Variants in IGF2BP2 observed in about 807,000 individuals in gnomAD.
The protein encoded by IGF2BP2 is insulin like growth factor 2 mRNA binding protein 2, also known as insulin-like growth factor 2 mRNA-binding protein 2.
Under a neutral mutation model 75.8 loss-of-function variants are expected in IGF2BP2, and 17 were observed. The observed-to-expected ratio is 0.22, with a 90% CI of 0.15 to 0.34. The LOEUF (loss-of-function observed/expected upper bound fraction) is 0.34. IGF2BP2 is among the 10% of genes least tolerant of loss of function. The probability of loss-of-function intolerance (pLI) is 1.00; values close to 1 mark genes in which losing one functional copy is unlikely to be tolerated. For missense variants in IGF2BP2, 516 were observed against 772.4 expected (o/e 0.67, Z 3.93); for synonymous variants, 288 against 295.6 (o/e 0.97, Z 0.26).
At chr3:185,735,772 T>C (rs543383779) in intron 2 of IGF2BP2, among the ~76,000 whole-genome samples, 2 of 152,302 alleles carry the variant, frequency 1.3e-5, no homozygotes, top group South Asian at 2.1e-4. Context: ...TCTAAAAATA[T>C]ACCTTTTCAT....
chr3:185,767,044 C>A (rs910244806), intron 2 of IGF2BP2, among the ~76,000 whole-genome samples: 1 of 152,184 alleles, frequency 6.6e-6, no homozygotes, highest in Non-Finnish European at 1.5e-5. Flanking sequence ...AACTGCCCAG[C>A]CCCACTTCCT....
rs1017306360 is a variant in IGF2BP2, at chr3:185,647,587, C to T, written c.1594-449G>A. 1.3e-5 allele frequency among the ~76,000 whole-genome samples: 2 copies of T among 152,080 alleles called. No individual in the cohort carries two copies. Among genetic ancestry groups the T allele is most frequent in the African/African-American group, 2.4e-5 (1 of 41,402 alleles). ...TTCCCTGCGAATCAGCCCTGCTGTTCCCTCCTCCTCGTTTTCACTCCTGCC... is the reference window on the plus strand; with the variant it reads ...TTCCCTGCGAATCAGCCCTGCTGTTTCCTCCTCCTCGTTTTCACTCCTGCC... On this transcript the variant is annotated intron_variant, in intron 14 of 15. Coordinates refer to ENST00000382199, the MANE Select transcript of IGF2BP2 (RefSeq NM_006548.6). This position sits in a 1 kb window ranked among gnomAD's most constrained non-coding sequence, Gnocchi z 4.9.
At chr3:185,746,459 C>T (rs1274197067) in intron 2 of IGF2BP2, among the ~76,000 whole-genome samples, 1 of 152,150 alleles carries the variant, frequency 6.6e-6, no homozygotes, top group South Asian at 2.1e-4. Context: ...ATCTACTTAA[C>T]GATTATTTTC....
chr3:185,720,245 A>G (rs2149462815), intron 2 of IGF2BP2, among the ~76,000 whole-genome samples: 1 of 152,366 alleles, frequency 6.6e-6, no homozygotes. Context: ...TAAATATTTA[A>G]AAAACGGCTC....
chr3:185,817,304 G>A (rs1740739800), intron 2 of IGF2BP2, among the ~76,000 whole-genome samples: 1 of 152,160 alleles, frequency 6.6e-6, no homozygotes, highest in African/African-American at 2.4e-5. Context: ...TGATGGAACA[G>A]GGCTAGCTTT....
intron 10 of IGF2BP2, among the ~76,000 whole-genome samples, chr3:185,665,030 T>G (rs1225303887): frequency 6.6e-6 from 1 of 151,532 alleles, no homozygotes; most frequent in African/African-American, 2.4e-5. Flanking sequence ...ACAGGCGTGT[T>G]GGTGTGCACC....
At chr3:185,757,537 T>C (rs972553707) in intron 2 of IGF2BP2, among the ~76,000 whole-genome samples, 2 of 146,566 alleles carry the variant, frequency 1.4e-5, no homozygotes, top group Non-Finnish European at 1.5e-5. Context: ...CGATCATGGC[T>C]CACTGCAGCC....
At chr3:185,660,730 C>A (rs1047195297) in intron 10 of IGF2BP2, among the ~76,000 whole-genome samples, 2 of 152,198 alleles carry the variant, frequency 1.3e-5, no homozygotes, top group African/African-American at 4.8e-5. Flanking sequence ...AACATCAGCT[C>A]CAGAGCTTTC....
intron 11 of IGF2BP2, among the ~76,000 whole-genome samples, 177 bp from the exon 12 acceptor site, chr3:185,657,579 G>A (rs1715662041): frequency 6.6e-6 from 1 of 152,240 alleles, no homozygotes; most frequent in Non-Finnish European, 1.5e-5. Context: ...CAGGTGTGAA[G>A]CCTGAGGAAG....
chr3:185,823,445 C>T (rs982801529), intron 1 of IGF2BP2, among the ~76,000 whole-genome samples: 2 of 152,178 alleles, frequency 1.3e-5, no homozygotes, highest in African/African-American at 4.8e-5. Context: ...CCAGGTATAG[C>T]CGTGGGTGGC....
At chr3:185,796,259 T>A (rs949487862) in intron 2 of IGF2BP2, among the ~76,000 whole-genome samples, 1 of 152,040 alleles carries the variant, frequency 6.6e-6, no homozygotes, top group Admixed American at 6.6e-5. Flanking sequence ...AGTGTATTCT[T>A]GAAATAAGAG....
chr3:185,755,385 G>A (rs778667839), intron 2 of IGF2BP2, among the ~76,000 whole-genome samples: 22 of 152,218 alleles, frequency 1.4e-4, no homozygotes, highest in African/African-American at 3.1e-4. Context: ...CACCCCCTGC[G>A]TAGATTTCAG....
chr3:185,825,030 C>G lies in IGF2BP2; in HGVS notation c.-70G>C, dbSNP rs1039173046. The G allele has an allele frequency of 7.9e-6, 10 of 1,259,640 alleles. No individual in the cohort carries two copies. The highest frequency in any genetic ancestry group is 1.5e-5 in the African/African-American group (1 of 64,634). The allele number at this position is 1,259,640 out of a possible 1,614,324, so 78.0% of individuals were successfully genotyped here. On this transcript the variant is annotated 5_prime_UTR_variant, in exon 1 of 16. Transcript: ENST00000382199. Reference sequence around the variant, plus strand: ...GGCGCTCCTCGCCTCCTCCGCTGCCCTCGTCTCTCCTCCTCCTCCGCCCCC... The same window carrying G: ...GGCGCTCCTCGCCTCCTCCGCTGCCGTCGTCTCTCCTCCTCCTCCGCCCCC...
intron 2 of IGF2BP2, among the ~76,000 whole-genome samples, chr3:185,778,236 C>T (rs1734768354): frequency 6.6e-6 from 1 of 152,120 alleles, no homozygotes; most frequent in Non-Finnish European, 1.5e-5. Flanking sequence ...CTGGACAGGA[C>T]ACCATTCCAT....
chr3:185,790,153 G>A (rs972030418), intron 2 of IGF2BP2, among the ~76,000 whole-genome samples: 1 of 152,060 alleles, frequency 6.6e-6, no homozygotes, highest in Non-Finnish European at 1.5e-5. Flanking sequence ...CTGCTTCCTC[G>A]TCCTTCCTCC....
intron 2 of IGF2BP2, among the ~76,000 whole-genome samples, chr3:185,793,580 G>A (rs1578323596): frequency 6.6e-6 from 1 of 152,040 alleles, no homozygotes. Context: ...CAAATTACAC[G>A]CTCCAAACCA....
chr3:185,644,234 CTGTG>C lies in IGF2BP2; in HGVS notation c.*1293_*1296del, dbSNP rs1170699005. The C allele has an allele frequency of 6.6e-6, 1 of 152,358 alleles. No individual in the cohort carries two copies. Among genetic ancestry groups the C allele is most frequent in the Non-Finnish European group, 1.5e-5 (1 of 67,996 alleles). The allele number at this position is 152,358 out of a possible 1,614,324, so 9.4% of individuals were successfully genotyped here. A position where few individuals can be genotyped will look rare whatever the true frequency, so the allele number is the denominator to read the frequency against. ...GTAAAAACACCTGAGGTAGCTTCTT[CTGTG>C]TGTTTTTCTCGTTAAAAAAATCTGT... On this transcript the variant is annotated 3_prime_UTR_variant, in exon 16 of 16. Transcript: ENST00000382199.
chr3:185,809,836 A>G (rs532209515), intron 2 of IGF2BP2, among the ~76,000 whole-genome samples: 1 of 152,290 alleles, frequency 6.6e-6, no homozygotes, highest in Admixed American at 6.5e-5. Flanking sequence ...TTTATCCAAA[A>G]ATATTTCATG....
intron 2 of IGF2BP2, among the ~76,000 whole-genome samples, chr3:185,788,508 T>A (rs1209798837): frequency 6.6e-6 from 1 of 151,990 alleles, no homozygotes; most frequent in African/African-American, 2.4e-5. Flanking sequence ...CAAGACCCCA[T>A]CTCTAAAAGT....
Sources: allele counts gnomAD v4.1 joint callset (sites outside exome capture counted in the v4.1 genomes callset), GRCh38; gene constraint gnomAD v4.1.1; non-coding constraint Gnocchi (gnomAD v3.1); transcripts MANE v1.5; gene names NCBI Gene and HGNC (gene_info 2026-07-23, HGNC 2026-07-21).